Variants in LSAMP observed in about 807,000 individuals in gnomAD.
LSAMP encodes the protein limbic system associated membrane protein.
In LSAMP, 7 loss-of-function variants were observed where a neutral mutation model predicts 38.6. That is an observed-to-expected ratio of 0.18 (90% confidence interval 0.10 to 0.34). The LOEUF (loss-of-function observed/expected upper bound fraction) is 0.34, where lower values mean the gene tolerates loss of function less well. Among genes scored for constraint, LSAMP ranks in the 10% least tolerant of loss-of-function variants. The probability of loss-of-function intolerance (pLI) is 1.00; values close to 1 mark genes in which losing one functional copy is unlikely to be tolerated. For synonymous variants in LSAMP, 154 were observed against 166.8 expected (o/e 0.92, Z 0.59); for missense variants, 313 against 420.0 (o/e 0.75, Z 2.23).
chr3:115,826,916 C>T (rs1376651967), intron 6 of LSAMP, among the ~76,000 whole-genome samples: 2 of 150,778 alleles, frequency 1.3e-5, no homozygotes, highest in African/African-American at 4.9e-5. Context: ...GGTTGATCTC[C>T]CAACGGAAGA....
At chr3:115,898,536 T>C (rs770666103) in intron 3 of LSAMP, among the ~76,000 whole-genome samples, 6 of 151,792 alleles carry the variant, frequency 4.0e-5, no homozygotes, top group East Asian at 1.9e-4. Context: ...GAACAACCTA[T>C]TGAGGTTGCA....
chr3:116,305,359 T>C (rs936590711), intron 1 of LSAMP, among the ~76,000 whole-genome samples: 2 of 152,108 alleles, frequency 1.3e-5, no homozygotes, highest in Non-Finnish European at 2.9e-5. Flanking sequence ...GTATGGTTTA[T>C]TCTATCCCAA....
chr3:115,954,811 C>T (rs2107583635), intron 3 of LSAMP, among the ~76,000 whole-genome samples: 1 of 152,288 alleles, frequency 6.6e-6, no homozygotes, highest in East Asian at 1.9e-4. Context: ...TCTCAGTGCA[C>T]CTGATCCTGT....
chr3:116,313,670 G>A (rs1183653168), intron 1 of LSAMP, among the ~76,000 whole-genome samples: 1 of 152,192 alleles, frequency 6.6e-6, no homozygotes, highest in African/African-American at 2.4e-5. Context: ...AACTTAGAAT[G>A]TGGTCAGGCA....
At chr3:115,834,117 C>T (rs146151285) in intron 6 of LSAMP, among the ~76,000 whole-genome samples, 43 of 152,016 alleles carry the variant, frequency 2.8e-4, no homozygotes, top group Middle Eastern at 3.4e-3. Context: ...GTTGATTAAC[C>T]TTTAGCAATA....
chr3:116,103,451 T>G (rs139126135), intron 1 of LSAMP, among the ~76,000 whole-genome samples: 84 of 119,984 alleles, frequency 7.0e-4, no homozygotes, highest in African/African-American at 2.8e-3. Context: ...GGTGACAGAG[T>G]GAGACTCCTT....
chr3:115,924,339 G>A (rs182472733), intron 3 of LSAMP, among the ~76,000 whole-genome samples: 8 of 151,926 alleles, frequency 5.3e-5, no homozygotes, highest in East Asian at 3.9e-4. Flanking sequence ...CCTTTTCATC[G>A]TCTCTTCTGG....
intron 6 of LSAMP, among the ~76,000 whole-genome samples, chr3:115,817,101 G>A (rs990019475): frequency 6.6e-6 from 1 of 152,090 alleles, no homozygotes; most frequent in Non-Finnish European, 1.5e-5. Flanking sequence ...CTTCACGCTT[G>A]CTTTTCATTT....
chr3:116,025,840 T>C (rs1276341343), intron 2 of LSAMP, among the ~76,000 whole-genome samples: 2 of 152,220 alleles, frequency 1.3e-5, no homozygotes, highest in South Asian at 2.1e-4. Flanking sequence ...AAATATATCA[T>C]TAATTTTTTG....
chr3:115,832,680 G>A (rs1370302824), intron 6 of LSAMP, among the ~76,000 whole-genome samples: 3 of 152,240 alleles, frequency 2.0e-5, no homozygotes, highest in Middle Eastern at 3.4e-3. Flanking sequence ...AAACTCTCAC[G>A]CCAGCCATCC....
rs1189104196 is a variant in LSAMP at position 116,215,433 on chromosome 3, C to CT, written c.156-128878dup. ...TATTGAGCACTCACTGCCTTAGGAC[C>CT]TTTTTTTTTTGGCCCGCTGCTGCAA... On this transcript the variant is annotated intron_variant, in intron 1 of 6. Transcript: ENST00000490035. 7.1e-4 allele frequency among the ~76,000 whole-genome samples: 105 copies of CT among 147,800 alleles called. 1 individual carries two copies. The highest frequency in any genetic ancestry group is 1.2e-3 in the Non-Finnish European group (82 of 66,634).
chr3:116,202,028 T>C (rs2045993879), intron 1 of LSAMP, among the ~76,000 whole-genome samples: 1 of 152,208 alleles, frequency 6.6e-6, no homozygotes, highest in Non-Finnish European at 1.5e-5. Flanking sequence ...ATTTATTCTC[T>C]GACCCTTATG....
intron 3 of LSAMP, among the ~76,000 whole-genome samples, chr3:115,965,921 T>C (rs186665467): frequency 1.0e-3 from 153 of 152,282 alleles, no homozygotes; most frequent in African/African-American, 3.3e-3. Context: ...TATAAATTAA[T>C]ATAAATTAGT....
chr3:116,369,249 G>T (rs1559844284), intron 1 of LSAMP, among the ~76,000 whole-genome samples: 1 of 152,150 alleles, frequency 6.6e-6, no homozygotes, highest in Non-Finnish European at 1.5e-5. Context: ...CAACCTACTG[G>T]TTGAGGCAGA....
chr3:116,199,145 G>C (rs1180914028), intron 1 of LSAMP, among the ~76,000 whole-genome samples: 1 of 151,792 alleles, frequency 6.6e-6, no homozygotes, highest in Non-Finnish European at 1.5e-5. Flanking sequence ...AAAAATTAGG[G>C]TTGAGATGTT....
At chr3:116,423,547 C>T (rs965355810) in intron 1 of LSAMP, among the ~76,000 whole-genome samples, 2 of 152,152 alleles carry the variant, frequency 1.3e-5, no homozygotes, top group Non-Finnish European at 2.9e-5. Flanking sequence ...TCCCCTCCAT[C>T]CCCCACCTCC....
intron 3 of LSAMP, among the ~76,000 whole-genome samples, chr3:115,927,981 A>G (rs1281964619): frequency 6.6e-6 from 1 of 152,222 alleles, no homozygotes; most frequent in African/African-American, 2.4e-5. Flanking sequence ...CTAATTGATT[A>G]TCTGCCTTCC....
At chr3:116,284,960 A>G (rs1389749197) in intron 1 of LSAMP, among the ~76,000 whole-genome samples, 1 of 152,246 alleles carries the variant, frequency 6.6e-6, no homozygotes, top group Non-Finnish European at 1.5e-5. Flanking sequence ...ATATGTTCTA[A>G]GACATCTTTG....
intron 3 of LSAMP, among the ~76,000 whole-genome samples, chr3:115,911,493 A>C (rs908279609): frequency 2.1e-4 from 32 of 152,200 alleles, no homozygotes; most frequent in African/African-American, 7.7e-4. Context: ...CTGGGACTAC[A>C]GGTGCCTGCC....
Sources: gnomAD v4.1 joint callset for allele counts (sites outside exome capture counted in the v4.1 genomes callset) on GRCh38, gnomAD v4.1.1 for gene constraint, MANE v1.5 for transcripts, NCBI Gene and HGNC (gene_info 2026-07-23, HGNC 2026-07-21) for gene names.